Variants in MAP3K13 observed in about 807,000 individuals in gnomAD.
MAP3K13 encodes the protein leucine zipper-bearing kinase.
A neutral mutation model predicts 104.0 loss-of-function variants in MAP3K13; 52 were observed. The ratio of observed to expected loss-of-function variants is 0.50; its 90% CI spans 0.40 to 0.63. The LOEUF is 0.63. MAP3K13 is among the 20% of genes least tolerant of loss of function. The pLI is 0.00. For missense variants in MAP3K13, 914 were observed against 1,218.5 expected, an observed-to-expected ratio of 0.75 and a Z score of 3.72; for synonymous variants, 394 against 442.2, an observed-to-expected ratio of 0.89 and a Z score of 1.37.
chr3:185,447,704 TAA>T, intron 4 of MAP3K13, 83 bp from the exon 5 acceptor site: 1 of 1,057,354 alleles, frequency 9.5e-7, no homozygotes, highest in Non-Finnish European at 1.4e-6. Context: ...AAGTAGCAGA[TAA>T]AGTCTTCAGT....
At chr3:185,457,243 A>C (rs1448756293) in intron 7 of MAP3K13, among the ~76,000 whole-genome samples, 1 of 152,244 alleles carries the variant, frequency 6.6e-6, no homozygotes, top group Non-Finnish European at 1.5e-5. Flanking sequence ...ATAGGAAAGA[A>C]AAGGAGAGGA....
rs752255390 is a variant in MAP3K13 at position 185,466,962 on chromosome 3, C to T, written c.1642C>T (p.Arg548Trp). 1.1e-5 allele frequency: 18 copies of T among 1,613,810 alleles called. No homozygotes were observed. The highest frequency in any genetic ancestry group is 3.3e-5 in the Admixed American group (2 of 59,996). Residue 548 changes from arginine (R) to tryptophan (W), a missense_variant and splice_region_variant, in exon 10 of 14, where the codon CGG (arginine) becomes TGG (tryptophan). This residue lies in a region of MAP3K13 where 583 missense variants were observed against 737.4 expected (regional missense o/e 0.79). Coordinates refer to ENST00000265026, the MANE Select transcript of MAP3K13 (RefSeq NM_004721.5). Reference protein sequence around the residue: ...VPHKSGMQTKRPDLLRSEGIP... With the variant: ...VPHKSGMQTKWPDLLRSEGIP... ...TCACAAATCTGGGATGCAGACCAAACGGTGAGACACCTGTACAAACGCAGT... is the reference window on the plus strand; with the variant it reads ...TCACAAATCTGGGATGCAGACCAAATGGTGAGACACCTGTACAAACGCAGT...
chr3:185,455,878 G>GAGATATAGATGAGAT lies in MAP3K13; in HGVS notation c.1278+4484_1278+4485insGATATAGATGAGATA, dbSNP rs1560121158. ...TGAGATATATATGAGATATAGATGA[G>GAGATATAGATGAGAT]ATATATGATATAGATGAGATATATA... On this transcript the variant is annotated intron_variant, in intron 7 of 13. Transcript: ENST00000265026. Among the ~76,000 whole-genome samples the GAGATATAGATGAGAT allele has an allele frequency of 6.9e-3, 851 of 123,402 alleles. 47 individuals are homozygous for GAGATATAGATGAGAT. Among genetic ancestry groups the GAGATATAGATGAGAT allele is most frequent in the African/African-American group, 0.027 (820 of 30,934 alleles). 81.0% of individuals were successfully genotyped at this position (123,402 alleles called of 152,430 possible).
chr3:185,363,152 C>T lies in MAP3K13; in HGVS notation c.-302C>T. The T allele has an allele frequency of 1.0e-6, 1 of 984,980 alleles. No individual in the cohort carries two copies. Among genetic ancestry groups the T allele is most frequent in the Non-Finnish European group, 1.2e-6 (1 of 829,824 alleles). 61.0% of individuals were successfully genotyped at this position (984,980 alleles called of 1,614,324 possible). A position where few individuals can be genotyped will look rare whatever the true frequency, so the allele number is the denominator to read the frequency against. ...TTTTTTTTCATGACACACACCACAG[C>T]GAAGTCTGTGCGGAATCCTAAACCA... On this transcript the variant is annotated 5_prime_UTR_variant, in exon 1 of 14. Coordinates refer to ENST00000265026, the MANE Select transcript of MAP3K13 (RefSeq NM_004721.5).
At chr3:185,421,144 T>TTTTTC (rs796992502) in intron 1 of MAP3K13, among the ~76,000 whole-genome samples, 436 of 152,156 alleles carry the variant, frequency 2.9e-3, no homozygotes, top group African/African-American at 9.3e-3. Flanking sequence ...TTCTTTTTCT[T>TTTTTC]TTTTCTTTTC....
chr3:185,454,944 G>GATATATATGATATATATATGAGAT (rs1716326718), intron 7 of MAP3K13, among the ~76,000 whole-genome samples: 1 of 41,986 alleles, frequency 2.4e-5, no homozygotes, highest in African/African-American at 9.2e-5. Context: ...ATATATATGA[G>GATATATATGATATATATATGAGAT]ATATATATGA....
intron 2 of MAP3K13, chr3:185,292,071 A>G (rs1720761641): frequency 1.5e-5 from 13 of 870,034 alleles, no homozygotes; most frequent in Non-Finnish European, 1.7e-5. Flanking sequence ...TTGGGAGGCC[A>G]AGGCAGCTGG....
intron 2 of MAP3K13, among the ~76,000 whole-genome samples, chr3:185,332,382 C>G (rs1273434871): frequency 6.6e-6 from 1 of 152,152 alleles, no homozygotes; most frequent in East Asian, 1.9e-4. Context: ...GTTTTAAAAA[C>G]TAATTTTCAT....
At chr3:185,285,173 A>G (rs1577392218) in intron 1 of MAP3K13, among the ~76,000 whole-genome samples, 1 of 152,198 alleles carries the variant, frequency 6.6e-6, no homozygotes, top group East Asian at 1.9e-4. Context: ...TTAAATTTTA[A>G]GTTTACATAC....
At chr3:185,332,120 A>G (rs1722306061) in intron 2 of MAP3K13, among the ~76,000 whole-genome samples, 2 of 152,208 alleles carry the variant, frequency 1.3e-5, no homozygotes, top group Admixed American at 6.5e-5. Context: ...TTATACATGC[A>G]TACAGTATAT....
At chr3:185,472,357 C>T (rs1471415783) in intron 10 of MAP3K13, among the ~76,000 whole-genome samples, 7 of 152,024 alleles carry the variant, frequency 4.6e-5, no homozygotes, top group South Asian at 2.1e-4. Flanking sequence ...GGACTACAGG[C>T]ATGCACCACC....
chr3:185,389,806 TATTA>T (rs1213776270), intron 1 of MAP3K13, among the ~76,000 whole-genome samples: 5 of 150,412 alleles, frequency 3.3e-5, no homozygotes, highest in African/African-American at 1.2e-4. Context: ...GTTAAGTATT[TATTA>T]ATTTATTTTA....
At chr3:185,465,956 G>A in intron 9 of MAP3K13, 93 bp downstream of exon 9, 1 of 930,554 alleles carries the variant, frequency 1.1e-6, no homozygotes, top group East Asian at 2.4e-5. Context: ...ACTCAGAACT[G>A]GCAGATATTT....
intron 1 of MAP3K13, among the ~76,000 whole-genome samples, chr3:185,415,577 CTTTT>C: frequency 1.4e-5 from 1 of 73,020 alleles, no homozygotes; most frequent in Non-Finnish European, 2.5e-5. Context: ...GGGTTAATTT[CTTTT>C]TTTTTTTTTT....
In MAP3K13 at chr3:185,480,434, C is replaced by T. The variant is rs994419878; in HGVS notation, c.2704C>T (p.His902Tyr). The change falls in exon 13 of 14, where the codon CAC becomes TAC. Residue 902 changes from histidine (H) to tyrosine (Y), a missense_variant. His to Tyr is a moderately conservative substitution (Grantham distance 83). This residue lies in a region of MAP3K13 where 583 missense variants were observed against 737.4 expected (regional missense o/e 0.79). Transcript: ENST00000265026. ...TPEIPIDISS[H>Y]SDGLSDKECA... ...AGAGATTCCCATTGACATATCCTCA[C>T]ACTCGGATGGGCTCTCTGACAAGGA... 6 of 1,614,212 alleles carry T rather than the reference C, an allele frequency of 3.7e-6. No individual in the cohort carries two copies. In the Admixed American group the frequency reaches 5.0e-5, roughly 13 times the overall value.
At position 185,454,443 on chromosome 3, in the gene MAP3K13, T is replaced by G. The variant is rs1187614168; in HGVS notation, c.1278+3048T>G. On this transcript the variant is annotated intron_variant, in intron 7 of 13. Transcript: ENST00000265026. ...TGAGATATATATGATATATATGAGA[T>G]ATATATATGAGATATATATGATATA... 1.0e-4 allele frequency among the ~76,000 whole-genome samples: 6 copies of G among 58,094 alleles called. No individual in the cohort carries two copies. The East Asian group carries it at 2.8e-3, about 27-fold the overall frequency. 38.1% of individuals were successfully genotyped at this position (58,094 alleles called of 152,430 possible). A position where few individuals can be genotyped will look rare whatever the true frequency, so the allele number is the denominator to read the frequency against.
intron 5 of MAP3K13, among the ~76,000 whole-genome samples, chr3:185,448,471 G>A (rs1315517439): frequency 6.6e-6 from 1 of 152,094 alleles, no homozygotes; most frequent in Non-Finnish European, 1.5e-5. Flanking sequence ...TTTCCTCTGA[G>A]GTTATAAGTC....
chr3:185,453,255 T>C (rs1286626324), intron 7 of MAP3K13, among the ~76,000 whole-genome samples: 4 of 152,216 alleles, frequency 2.6e-5, no homozygotes, highest in Non-Finnish European at 5.9e-5. Flanking sequence ...ATTTCTCATA[T>C]AGCTTTATCT....
chr3:185,431,746 T>G (rs1714752253), intron 2 of MAP3K13, among the ~76,000 whole-genome samples: 1 of 152,224 alleles, frequency 6.6e-6, no homozygotes, highest in African/African-American at 2.4e-5. Flanking sequence ...CATTATCCAC[T>G]TTTTTCATGC....
Sources: gnomAD v4.1 joint callset for allele counts (sites outside exome capture counted in the v4.1 genomes callset) on GRCh38, gnomAD v4.1.1 for gene constraint, gnomAD v4.1.1 regional missense constraint, MANE v1.5 for transcripts, NCBI Gene and HGNC (gene_info 2026-07-23, HGNC 2026-07-21) for gene names.